The following TOP6BL variants were observed in gnomAD, a reference collection of about 807,000 sequenced individuals.
TOP6BL encodes TOP6B like initiator of meiotic double strand breaks.
At chr11:66,796,257 G>C in the TOP6BL span, 1 of 1,517,056 alleles carries the variant, frequency 6.6e-7, no homozygotes, top group Non-Finnish European at 9.1e-7. Flanking sequence ...ATGTGTGGTA[G>C]GTGTTTTTGT....
At chr11:66,796,327 A>G in the TOP6BL span, 1 of 1,611,198 alleles carries the variant, frequency 6.2e-7, no homozygotes, top group South Asian at 1.1e-5. Flanking sequence ...CTGGTTATAA[A>G]GCATTTTTTA....
At chr11:66,826,346 T>G in the TOP6BL span, among the ~76,000 whole-genome samples, 1 of 152,256 alleles carries the variant, frequency 6.6e-6, no homozygotes, top group African/African-American at 2.4e-5. Context: ...TCCCACTGTA[T>G]TGTTTAAATC....
chr11:66,748,959 T>C, the TOP6BL span, among the ~76,000 whole-genome samples: 1 of 152,172 alleles, frequency 6.6e-6, no homozygotes, highest in Non-Finnish European at 1.5e-5. Flanking sequence ...TTCATGCTTT[T>C]ATCATTTTTG....
chr11:66,762,297 G>A, the TOP6BL span: 1 of 435,480 alleles, frequency 2.3e-6, no homozygotes, highest in Non-Finnish European at 4.1e-6. Context: ...CAGCCGGGGC[G>A]CCGGCCAGGA....
At chr11:66,797,450 A>G in the TOP6BL span, among the ~76,000 whole-genome samples, 2 of 152,160 alleles carry the variant, frequency 1.3e-5, no homozygotes, top group Non-Finnish European at 2.9e-5. Flanking sequence ...TGTTAAAGCT[A>G]GATAATAAAC....
At chr11:66,838,800 C>T in the TOP6BL span, among the ~76,000 whole-genome samples, 1 of 152,160 alleles carries the variant, frequency 6.6e-6, no homozygotes, top group African/African-American at 2.4e-5. Context: ...GGCGCCATCT[C>T]GGCTCACTGC....
At chr11:66,798,764 A>G in the TOP6BL span, among the ~76,000 whole-genome samples, 2 of 152,024 alleles carry the variant, frequency 1.3e-5, no homozygotes, top group Non-Finnish European at 2.9e-5. Context: ...TGTTTAGGGA[A>G]AATACAAGTG....
the TOP6BL span, among the ~76,000 whole-genome samples, chr11:66,808,976 C>T: frequency 3.9e-5 from 6 of 152,092 alleles, no homozygotes; most frequent in African/African-American, 1.4e-4. Flanking sequence ...GACGGAGTCT[C>T]GCTCCGTCGC....
the TOP6BL span, among the ~76,000 whole-genome samples, chr11:66,833,419 G>A: frequency 6.6e-6 from 1 of 152,074 alleles, no homozygotes; most frequent in African/African-American, 2.4e-5. Flanking sequence ...TCTCAAATAA[G>A]CTCACATTCA....
chr11:66,755,064 G>T, the TOP6BL span, among the ~76,000 whole-genome samples: 2 of 151,592 alleles, frequency 1.3e-5, no homozygotes, highest in Non-Finnish European at 2.9e-5. Context: ...CTTATACTTA[G>T]ATTACTCAGG....
chr11:66,765,357 G>A, the TOP6BL span, among the ~76,000 whole-genome samples: 1 of 152,246 alleles, frequency 6.6e-6, no homozygotes, highest in East Asian at 1.9e-4. Flanking sequence ...CTAACTCTTC[G>A]TACAAAGAGG....
the TOP6BL span, chr11:66,843,500 G>A: frequency 1.3e-6 from 2 of 1,485,572 alleles, no homozygotes; most frequent in Non-Finnish European, 8.9e-7. Flanking sequence ...TGTCGGTGTC[G>A]CGGCCGGAGC....
chr11:66,811,412 G>A, the TOP6BL span, among the ~76,000 whole-genome samples: 19 of 152,140 alleles, frequency 1.2e-4, no homozygotes, highest in Non-Finnish European at 2.4e-4. Context: ...GGCTGGTCTC[G>A]AACTCCTGAC....
the TOP6BL span, among the ~76,000 whole-genome samples, chr11:66,745,315 G>C: frequency 2.9e-5 from 4 of 138,556 alleles, no homozygotes; most frequent in Admixed American, 2.1e-4. Context: ...GGGGCGGGGT[G>C]GGGGGAGTCG....
the TOP6BL span, among the ~76,000 whole-genome samples, chr11:66,753,606 C>T: frequency 6.6e-6 from 1 of 151,444 alleles, no homozygotes; most frequent in East Asian, 1.9e-4. Flanking sequence ...CGGGTTTTCA[C>T]CGTGTTAGCC....
chr11:66,789,282 T>G, the TOP6BL span, among the ~76,000 whole-genome samples: 1 of 152,216 alleles, frequency 6.6e-6, no homozygotes, highest in African/African-American at 2.4e-5. Context: ...GAGATCTCTT[T>G]ATCGACTTAT....
the TOP6BL span, among the ~76,000 whole-genome samples, chr11:66,779,555 CT>C: frequency 1.3e-5 from 2 of 152,202 alleles, no homozygotes; most frequent in African/African-American, 4.8e-5. Context: ...CACTTTTACA[CT>C]GTTGGTGGGA....
At chr11:66,840,848 C>T in the TOP6BL span, among the ~76,000 whole-genome samples, 3 of 152,152 alleles carry the variant, frequency 2.0e-5, no homozygotes, top group African/African-American at 7.2e-5. Context: ...CTAAATAGTG[C>T]TCATCCTGCT....
chr11:66,843,253 A>G, the TOP6BL span: 23 of 1,606,666 alleles, frequency 1.4e-5, no homozygotes, highest in Non-Finnish European at 2.0e-5. Context: ...CCCTTCCGCA[A>G]GCGCCCACCG....
Sources: gnomAD v4.1 joint callset for allele counts (sites outside exome capture counted in the v4.1 genomes callset) on GRCh38, gnomAD v4.1.1 for gene constraint, MANE v1.5 for transcripts, NCBI Gene and HGNC (gene_info 2026-07-23, HGNC 2026-07-21) for gene names.